DROSHA: variants seen among roughly 807,000 people sequenced by gnomAD.
DROSHA encodes drosha ribonuclease III.
Under a neutral mutation model 181.9 loss-of-function variants are expected in DROSHA, and 56 were observed. The observed-to-expected ratio is 0.31, with a 90% CI of 0.25 to 0.38. The LOEUF (loss-of-function observed/expected upper bound fraction) is 0.38. Ranked by LOEUF, DROSHA falls within the 10% of genes least tolerant of loss-of-function variation. The pLI is 1.00. For missense variants in DROSHA, 1,218 were observed against 1,743.5 expected (o/e 0.70, Z 5.37); for synonymous variants, 524 against 591.2 (o/e 0.89, Z 1.65).
intron 35 of DROSHA, among the ~76,000 whole-genome samples, chr5:31,402,353 T>G (rs888096635): frequency 4.6e-5 from 7 of 151,768 alleles, no homozygotes; most frequent in African/African-American, 1.7e-4. Flanking sequence ...TGATCAACCA[T>G]GGGCCAAAAA....
chr5:31,409,048 G>A lies in DROSHA; in HGVS notation c.3854+8C>T, dbSNP rs781024074. 1 of 1,612,434 alleles carries A rather than the reference G, an allele frequency of 6.2e-7. No individual in the cohort carries two copies. The highest frequency in any genetic ancestry group is 8.5e-7 in the Non-Finnish European group (1 of 1,179,260). On this transcript the variant is annotated splice_region_variant and intron_variant, in intron 33 of 35. Transcript: ENST00000344624. This position sits in a 1 kb window ranked among gnomAD's most constrained non-coding sequence, Gnocchi z 4.0. Reference sequence around the variant, plus strand: ...CCAACCAATGGCCTGCAGGCAACAAGTACTTACTTGTACAGAGGAATGTCT... The same window carrying A: ...CCAACCAATGGCCTGCAGGCAACAAATACTTACTTGTACAGAGGAATGTCT...
chr5:31,499,231 A>G (rs950320602), intron 11 of DROSHA, among the ~76,000 whole-genome samples: 3 of 152,216 alleles, frequency 2.0e-5, no homozygotes, highest in Non-Finnish European at 4.4e-5. Context: ...CTCACAGTTC[A>G]GCCAATCCTT....
chr5:31,529,383 T>G (rs2150065969), intron 3 of DROSHA, among the ~76,000 whole-genome samples: 1 of 152,286 alleles, frequency 6.6e-6, no homozygotes, highest in East Asian at 1.9e-4. Flanking sequence ...TTAAAAGACT[T>G]GGGAAAAATA....
chr5:31,451,888 C>T lies in DROSHA; in HGVS notation c.2575-248G>A, dbSNP rs564879411. Among the ~76,000 whole-genome samples, 3 of 152,272 alleles carry T rather than the reference C, an allele frequency of 2.0e-5. No individual in the cohort carries two copies. The East Asian group carries it at 5.8e-4, about 29-fold the overall frequency. On this transcript the variant is annotated intron_variant, in intron 20 of 35. Coordinates refer to ENST00000344624, the MANE Select transcript of DROSHA (RefSeq NM_001382508.1). ...CTCTGCCACTCATTCACTGTGTGAC[C>T]TGGGGCAAGTTATCTTACCTCTCTG... is the stretch of plus-strand genomic sequence containing the variant.
intron 17 of DROSHA, among the ~76,000 whole-genome samples, chr5:31,469,125 A>T (rs906680219): frequency 6.6e-6 from 1 of 152,190 alleles, no homozygotes; most frequent in African/African-American, 2.4e-5. Context: ...TTGGGAGGCC[A>T]AGGCGGGTGG....
intron 16 of DROSHA, 137 bp from the exon 17 acceptor site, chr5:31,472,369 C>T: frequency 9.6e-7 from 1 of 1,041,526 alleles, no homozygotes; most frequent in Non-Finnish European, 1.3e-6. Context: ...AAAATTTACA[C>T]TGTTTAACCA....
intron 11 of DROSHA, among the ~76,000 whole-genome samples, chr5:31,503,124 C>T (rs1737495005): frequency 6.6e-6 from 1 of 152,052 alleles, no homozygotes; most frequent in Non-Finnish European, 1.5e-5. Context: ...ACCAAGCAGA[C>T]AAAATGACTG....
At chr5:31,410,353 A>G (rs893783914) in intron 31 of DROSHA, among the ~76,000 whole-genome samples, 4 of 152,232 alleles carry the variant, frequency 2.6e-5, no homozygotes, top group Admixed American at 1.3e-4. Flanking sequence ...ACAATGAATA[A>G]TAGTTTCAGT....
At chr5:31,451,692 A>G in intron 20 of DROSHA, 52 bp from the exon 21 acceptor site, 1 of 1,408,038 alleles carries the variant, frequency 7.1e-7, no homozygotes, top group East Asian at 2.5e-5. Flanking sequence ...TTATAAAGTC[A>G]CTTCATTTAT....
At position 31,472,122 on chromosome 5, in the gene DROSHA, G is replaced by C. The variant is rs1749800558; in HGVS notation, c.2182C>G (p.Leu728Val). 2 of 1,613,762 alleles carry C rather than the reference G, an allele frequency of 1.2e-6. No individual in the cohort carries two copies. The highest frequency in any genetic ancestry group is 1.3e-5 in the African/African-American group (1 of 74,902). The change falls in exon 17 of 36, where the codon CTG becomes GTG. Residue 728 changes from leucine (L) to valine (V), a missense_variant. Coordinates refer to ENST00000344624, the MANE Select transcript of DROSHA (RefSeq NM_001382508.1). Reference sequence around the variant, plus strand: ...TCTTCTGCATATTTCTGCCACTCCAGCTCCTCCCACTGAAGCATATTGGCA... The same window carrying C: ...TCTTCTGCATATTTCTGCCACTCCACCTCCTCCCACTGAAGCATATTGGCA... The part of the protein sequence containing the change: ...EIANMLQWEE[L>V]EWQKYAEECK...
At chr5:31,402,843 G>A (rs73073884) in intron 35 of DROSHA, among the ~76,000 whole-genome samples, 1,736 of 152,202 alleles carry the variant, frequency 0.011, 40 homozygotes, top group African/African-American at 0.04. Flanking sequence ...TCGCTGGAGC[G>A]CAGTCCCTCA....
chr5:31,503,380 C>G (rs1737529084), intron 11 of DROSHA, among the ~76,000 whole-genome samples: 1 of 152,226 alleles, frequency 6.6e-6, no homozygotes, highest in South Asian at 2.1e-4. Context: ...AAACTGTCAC[C>G]TGCCTTTCCT....
chr5:31,472,179 A>G lies in DROSHA; in HGVS notation c.2125T>C (p.Cys709Arg). The G allele has an allele frequency of 6.2e-7, 1 of 1,613,916 alleles. No homozygotes were observed. The highest frequency in any genetic ancestry group is 8.5e-7 in the Non-Finnish European group (1 of 1,179,866). ...TCCTCAGGCACCAGGGCTTTGCTGC[A>G]CCTTAACAAGTACAGGAGAATCTGG... ...MHQILLYLLR[C>R]SKALVPEEEI... Residue 709 changes from cysteine (C) to arginine (R), a missense_variant, in exon 17 of 36, where the codon TGC becomes CGC. Coordinates refer to ENST00000344624, the MANE Select transcript of DROSHA (RefSeq NM_001382508.1).
chr5:31,464,098 C>T (rs1748745353), intron 20 of DROSHA, 138 bp downstream of exon 20: 2 of 747,902 alleles, frequency 2.7e-6, no homozygotes, highest in Admixed American at 3.0e-5. Flanking sequence ...TAATAGAAAA[C>T]AATTTATAGT....
At chr5:31,406,199 G>A (rs1345953534) in intron 34 of DROSHA, among the ~76,000 whole-genome samples, 1 of 152,102 alleles carries the variant, frequency 6.6e-6, no homozygotes, top group African/African-American at 2.4e-5. Context: ...GCTCAGGTGA[G>A]TAGTAGTAAA....
chr5:31,501,671 C>T (rs1384384134), intron 11 of DROSHA, among the ~76,000 whole-genome samples: 2 of 152,096 alleles, frequency 1.3e-5, no homozygotes, highest in Non-Finnish European at 2.9e-5. Flanking sequence ...TTGTAGCTGC[C>T]GGGCCAGGTG....
At chr5:31,474,572 C>CAAGTAT (rs1750144739) in intron 16 of DROSHA, among the ~76,000 whole-genome samples, 1 of 152,058 alleles carries the variant, frequency 6.6e-6, no homozygotes, top group Non-Finnish European at 1.5e-5. Context: ...TTATGTTGCC[C>CAAGTAT]AGGCTGTTCT....
At chr5:31,403,259 C>T (rs1054281089) in intron 35 of DROSHA, among the ~76,000 whole-genome samples, 7 of 152,086 alleles carry the variant, frequency 4.6e-5, no homozygotes, top group Admixed American at 6.5e-5. Context: ...ACTCTATTTC[C>T]GGAATAAACT....
intron 13 of DROSHA, among the ~76,000 whole-genome samples, chr5:31,489,653 C>T (rs1420776433): frequency 7.5e-6 from 1 of 133,018 alleles, no homozygotes; most frequent in Non-Finnish European, 1.6e-5. Flanking sequence ...CTGACTTATA[C>T]TCCTATCTCA....
Sources: allele counts gnomAD v4.1 joint callset (sites outside exome capture counted in the v4.1 genomes callset), GRCh38; gene constraint gnomAD v4.1.1; non-coding constraint Gnocchi (gnomAD v3.1); transcripts MANE v1.5; gene names NCBI Gene and HGNC (gene_info 2026-07-23, HGNC 2026-07-21).